Variants in PRKCE observed in about 807,000 individuals in gnomAD.
The protein encoded by PRKCE is protein kinase C epsilon type.
Under a neutral mutation model 85.4 loss-of-function variants are expected in PRKCE, and 16 were observed. The ratio of observed to expected loss-of-function variants is 0.19; its 90% CI spans 0.13 to 0.28. The LOEUF is 0.28. Among genes scored for constraint, PRKCE ranks in the 10% least tolerant of loss-of-function variants. The pLI is 1.00. For synonymous variants in PRKCE, 388 were observed against 371.5 expected, an observed-to-expected ratio of 1.04 and a Z score of -0.51; for missense variants, 573 against 975.2, an observed-to-expected ratio of 0.59 and a Z score of 5.49.
chr2:46,024,799 A>G (rs1206693482), intron 10 of PRKCE, among the ~76,000 whole-genome samples: 5 of 152,114 alleles, frequency 3.3e-5, no homozygotes, highest in Non-Finnish European at 7.3e-5. Context: ...TTTTTCAGGT[A>G]AGAGTTTAAA....
intron 1 of PRKCE, among the ~76,000 whole-genome samples, chr2:45,722,271 T>C (rs1032105951): frequency 5.3e-5 from 8 of 152,240 alleles, no homozygotes; most frequent in African/African-American, 1.9e-4. Flanking sequence ...CTAGGGTCCA[T>C]GTGCATCTCT....
At chr2:45,831,333 T>A (rs1690405972) in intron 1 of PRKCE, among the ~76,000 whole-genome samples, 2 of 152,234 alleles carry the variant, frequency 1.3e-5, no homozygotes, top group Admixed American at 1.3e-4. Context: ...TAACTATGGT[T>A]AGAGAACAGA....
chr2:45,734,809 A>C (rs1163216022), intron 1 of PRKCE, among the ~76,000 whole-genome samples: 5 of 152,174 alleles, frequency 3.3e-5, no homozygotes, highest in African/African-American at 4.8e-5. Context: ...TTGCCTCAGC[A>C]GAAGAGAAGC....
Position 46,145,171 on chromosome 2 carries a change from G to T in PRKCE, c.1671G>T (p.Gly557=). ...KLADFGMCKE[G]ILNGVTTTTF... ...CTGACTTCGGGATGTGCAAGGAAGG[G>T]ATTCTGAATGGTGTGACGACCACCA... The change falls in exon 12 of 15, where the codon GGG becomes GGT. Residue 557 remains glycine, a synonymous_variant. Transcript: ENST00000306156. The surrounding 1 kb of genome is among the most constrained non-coding windows in gnomAD (Gnocchi z 4.6). The T allele has an allele frequency of 6.3e-7, 1 of 1,599,760 alleles. No homozygotes were observed. The highest frequency in any genetic ancestry group is 1.1e-5 in the South Asian group (1 of 91,082).
chr2:45,714,511 T>G (rs569207942), intron 1 of PRKCE, among the ~76,000 whole-genome samples: 1 of 152,378 alleles, frequency 6.6e-6, no homozygotes, highest in South Asian at 2.1e-4. Context: ...GGATACAGAA[T>G]GGCTCTTTAA....
intron 11 of PRKCE, among the ~76,000 whole-genome samples, chr2:46,100,026 G>T (rs749990627): frequency 1.3e-5 from 2 of 152,104 alleles, no homozygotes; most frequent in African/African-American, 2.4e-5. Context: ...ACTTCTCCTT[G>T]CTGGGTCTCA....
intron 1 of PRKCE, among the ~76,000 whole-genome samples, chr2:45,815,318 C>A (rs531912537): frequency 6.6e-6 from 1 of 152,298 alleles, no homozygotes; most frequent in South Asian, 2.1e-4. Flanking sequence ...GCAGTATGTT[C>A]TTTGAGCTGC....
intron 1 of PRKCE, among the ~76,000 whole-genome samples, chr2:45,771,018 C>T (rs1050825599): frequency 1.3e-5 from 2 of 152,028 alleles, no homozygotes; most frequent in Non-Finnish European, 2.9e-5. Flanking sequence ...TGTAGTGTTC[C>T]CTCCAAGCGT....
intron 1 of PRKCE, among the ~76,000 whole-genome samples, chr2:45,802,683 C>T (rs73928806): frequency 0.05 from 7,637 of 152,250 alleles, 652 homozygotes; most frequent in African/African-American, 0.17. Context: ...CACTTCACAG[C>T]CCGGGATTTG....
chr2:46,059,248 G>C (rs556406279), intron 10 of PRKCE, among the ~76,000 whole-genome samples: 2 of 151,854 alleles, frequency 1.3e-5, no homozygotes, highest in Non-Finnish European at 2.9e-5. Context: ...TGATCGCGCC[G>C]TTGCACTCCA....
At chr2:46,048,626 C>T (rs1447075749) in intron 10 of PRKCE, among the ~76,000 whole-genome samples, 1 of 152,178 alleles carries the variant, frequency 6.6e-6, no homozygotes. Flanking sequence ...GGCCTTTCTC[C>T]AGGGGGAGAC....
At chr2:45,963,475 A>C (rs1391791977) in intron 2 of PRKCE, among the ~76,000 whole-genome samples, 1 of 151,894 alleles carries the variant, frequency 6.6e-6, no homozygotes, top group East Asian at 1.9e-4. Flanking sequence ...CGCCCGGCTA[A>C]TTTTTGTGTT....
rs2103762789 is a variant in PRKCE, at chr2:45,905,035, G to A, written c.412+61972G>A. Among the ~76,000 whole-genome samples, 1 of 152,350 alleles carries A rather than the reference G, an allele frequency of 6.6e-6. No homozygotes were observed. The highest frequency in any genetic ancestry group is 2.1e-4 in the South Asian group (1 of 4,832). On this transcript the variant is annotated intron_variant, in intron 2 of 14. Coordinates refer to ENST00000306156, the MANE Select transcript of PRKCE (RefSeq NM_005400.3). This position sits in a 1 kb window ranked among gnomAD's most constrained non-coding sequence, Gnocchi z 4.4. ...GCTCCACATCACTTCAGCAGGCACG[G>A]TGACACACAGGACTCACTGGATGCT...
At position 46,085,749 on chromosome 2, in the gene PRKCE, G is replaced by A. The variant is rs67156590; in HGVS notation, c.1438-459G>A. Reference sequence around the variant, plus strand: ...TCTGCAAAATCCGTTTTTTTTTTTTGTTTTTGTTTTTTTTTTTTTTTTTAG... The same window carrying A: ...TCTGCAAAATCCGTTTTTTTTTTTTATTTTTGTTTTTTTTTTTTTTTTTAG... On this transcript the variant is annotated intron_variant, in intron 10 of 14. Coordinates refer to ENST00000306156, the MANE Select transcript of PRKCE (RefSeq NM_005400.3). 1.6e-4 allele frequency among the ~76,000 whole-genome samples: 3 copies of A among 18,660 alleles called. 1 individual carries two copies. The highest frequency in any genetic ancestry group is 2.8e-4 in the Non-Finnish European group (2 of 7,088). The allele number at this position is 18,660 out of a possible 152,430, so 12.2% of individuals were successfully genotyped here.
At chr2:45,983,290 A>G (rs368705167) in intron 5 of PRKCE, among the ~76,000 whole-genome samples, 52 of 152,100 alleles carry the variant, frequency 3.4e-4, no homozygotes, top group African/African-American at 1.2e-3. Flanking sequence ...TTAGTCCCCC[A>G]CGGGGGCCTG....
chr2:45,685,598 T>G (rs1005048881), intron 1 of PRKCE: 7 of 151,716 alleles, frequency 4.6e-5, no homozygotes, highest in African/African-American at 1.2e-4. Context: ...GAGACAAGCC[T>G]GAGCAACATG....
At chr2:45,773,085 A>G (rs1302325706) in intron 1 of PRKCE, among the ~76,000 whole-genome samples, 2 of 152,134 alleles carry the variant, frequency 1.3e-5, no homozygotes, top group Non-Finnish European at 2.9e-5. Context: ...TTCCTTAGGC[A>G]CTGGCTGCAT....
intron 1 of PRKCE, among the ~76,000 whole-genome samples, chr2:45,674,258 G>A (rs974553874): frequency 1.3e-5 from 2 of 152,122 alleles, no homozygotes; most frequent in Admixed American, 1.3e-4. Context: ...TCTTGGCTGA[G>A]TATAAACTCA....
At chr2:45,890,474 G>C (rs963164535) in intron 2 of PRKCE, among the ~76,000 whole-genome samples, 3 of 152,086 alleles carry the variant, frequency 2.0e-5, no homozygotes, top group African/African-American at 7.2e-5. Context: ...TCACCTCCCA[G>C]GTTCAAGCAA....
Sources: gnomAD v4.1 joint callset for allele counts (sites outside exome capture counted in the v4.1 genomes callset) on GRCh38, gnomAD v4.1.1 for gene constraint, Gnocchi (gnomAD v3.1) non-coding constraint, MANE v1.5 for transcripts, NCBI Gene and HGNC (gene_info 2026-07-23, HGNC 2026-07-21) for gene names.